Variants in SIPA1L2 observed in about 807,000 individuals in gnomAD.
SIPA1L2 encodes signal-induced proliferation-associated 1-like protein 2.
A neutral mutation model predicts 163.9 loss-of-function variants in SIPA1L2; 56 were observed. The ratio of observed to expected loss-of-function variants is 0.34; its 90% confidence interval spans 0.28 to 0.43. SIPA1L2 has a LOEUF of 0.43. Ranked by LOEUF, SIPA1L2 falls within the 20% of genes least tolerant of loss-of-function variation. The pLI is 1.00. For missense variants in SIPA1L2, 1,974 were observed against 2,193.5 expected, an observed-to-expected ratio of 0.90 and a Z score of 2.00; for synonymous variants, 877 against 865.7, an observed-to-expected ratio of 1.01 and a Z score of -0.23.
rs373558870 is a variant in SIPA1L2 at position 232,502,228 on chromosome 1, G to C, written c.1484-8568C>G. On this transcript the variant is annotated intron_variant, in intron 3 of 22. Transcript: ENST00000674635. ...ATCTAATCCATATAACACCATCATTGACCTGGGAGGGGTATTATAGTTGAC... is the reference window on the plus strand; with the variant it reads ...ATCTAATCCATATAACACCATCATTCACCTGGGAGGGGTATTATAGTTGAC... 1.1e-4 allele frequency among the ~76,000 whole-genome samples: 16 copies of C among 152,204 alleles called. No homozygotes were observed. The East Asian group carries it at 3.1e-3, about 29-fold the overall frequency.
chr1:232,415,571 G>A lies in SIPA1L2; in HGVS notation c.4685C>T (p.Pro1562Leu). The change falls in exon 19 of 23, where the codon CCT becomes CTT. Residue 1562 changes from proline (P) to leucine (L), a missense_variant. Pro to Leu is a moderately conservative substitution (Grantham distance 98, BLOSUM62 -3). This residue lies in a region of SIPA1L2 where 1,079 missense variants were observed against 1,150.7 expected (regional missense o/e 0.94). Transcript: ENST00000674635. The part of the protein sequence containing the change: ...SLSDKSKCAD[P>L]GLMPLPDTAT... ...TGTGTCCGGGAGGGGCATCAGGCCA[G>A]GATCTGCGCACTTGGACTTATCTGA... 1 of 1,613,936 alleles carries A rather than the reference G, an allele frequency of 6.2e-7. No homozygotes were observed. The highest frequency in any genetic ancestry group is 8.5e-7 in the Non-Finnish European group (1 of 1,179,924).
chr1:232,537,252 A>G (rs941977124), intron 2 of SIPA1L2, among the ~76,000 whole-genome samples: 3 of 152,084 alleles, frequency 2.0e-5, no homozygotes, highest in African/African-American at 7.3e-5. Context: ...TAAATAAATA[A>G]TAATAATTAC....
intron 10 of SIPA1L2, among the ~76,000 whole-genome samples, 163 bp downstream of exon 10, chr1:232,460,724 G>A (rs551310474): frequency 6.6e-6 from 1 of 152,078 alleles, no homozygotes; most frequent in South Asian, 2.1e-4. Flanking sequence ...TTCCTCGAAC[G>A]AGTGACATCC....
chr1:232,411,669 C>G (rs1265104616), intron 19 of SIPA1L2, among the ~76,000 whole-genome samples: 1 of 151,074 alleles, frequency 6.6e-6, no homozygotes, highest in Non-Finnish European at 1.5e-5. Flanking sequence ...TTTTTAAGTA[C>G]AGTTAAGTTA....
At position 232,468,533 on chromosome 1, in the gene SIPA1L2, C is replaced by A. The variant is rs1664639341; in HGVS notation, c.2243+2838G>T. Among the ~76,000 whole-genome samples, 4 of 152,136 alleles carry A rather than the reference C, an allele frequency of 2.6e-5. No homozygotes were observed. The South Asian group carries it at 8.3e-4, about 31-fold the overall frequency. On this transcript the variant is annotated intron_variant, in intron 8 of 22. Transcript: ENST00000674635. ...ATGGACGGTAAAATAGTATCATACC[C>A]AAAAGCCCATTGTAAGGATGATAGA...
rs777130990 is a variant in SIPA1L2, at chr1:232,514,615, G to A, written c.725C>T (p.Pro242Leu). The A allele has an allele frequency of 1.5e-5, 25 of 1,614,050 alleles. No homozygotes were observed. Among genetic ancestry groups the A allele is most frequent in the African/African-American group, 6.7e-5 (5 of 74,912 alleles). Residue 242 changes from proline to leucine, a missense_variant, in exon 3 of 23, where the codon CCG becomes CTG. By Grantham distance (98) the Pro-to-Leu change is moderately conservative (BLOSUM62 -3). Coordinates refer to ENST00000674635, the MANE Select transcript of SIPA1L2 (RefSeq NM_020808.5). The stretch of plus-strand genomic sequence containing the variant: ...AATCTGTGCTGCTGCATGAAGGCTC[G>A]GAGAGATTGCAGGGTCACAGCGGAA... ...EFFRCDPAIS[P>L]SLHAAAQISR...
intron 3 of SIPA1L2, among the ~76,000 whole-genome samples, chr1:232,495,752 A>G (rs1400160698): frequency 2.0e-5 from 3 of 151,986 alleles, no homozygotes; most frequent in Non-Finnish European, 4.4e-5. Context: ...AGGCTGAAAA[A>G]CTACTATTGT....
intron 2 of SIPA1L2, among the ~76,000 whole-genome samples, chr1:232,563,956 CGTGTGTGTGTGTGTGT>C (rs34854572): frequency 5.7e-4 from 41 of 72,214 alleles, no homozygotes; most frequent in Non-Finnish European, 7.8e-4. Context: ...TTTTTTTTTT[CGTGTGTGTGTGTGTGT>C]GTGTGTGTGT....
At chr1:232,571,844 C>A (rs1659748297) in intron 2 of SIPA1L2, among the ~76,000 whole-genome samples, 1 of 152,200 alleles carries the variant, frequency 6.6e-6, no homozygotes. Context: ...TTTCTTAGGT[C>A]TCACCAGAAG....
intron 19 of SIPA1L2, among the ~76,000 whole-genome samples, chr1:232,407,775 T>C (rs1660726179): frequency 6.6e-6 from 1 of 152,184 alleles, no homozygotes; most frequent in African/African-American, 2.4e-5. Context: ...ATTTTACCTT[T>C]GAAGCCTATG....
At chr1:232,617,365 A>G (rs1662555916) in intron 1 of SIPA1L2, among the ~76,000 whole-genome samples, 2 of 152,248 alleles carry the variant, frequency 1.3e-5, no homozygotes, top group Non-Finnish European at 2.9e-5. Context: ...ACACCCCTGT[A>G]AGGAAAAGGG....
chr1:232,528,101 T>TAA (rs1553307360), intron 2 of SIPA1L2, among the ~76,000 whole-genome samples: 1 of 135,378 alleles, frequency 7.4e-6, no homozygotes, highest in Admixed American at 7.9e-5. Flanking sequence ...TATATATATA[T>TAA]AATCAACTTT....
intron 2 of SIPA1L2, among the ~76,000 whole-genome samples, chr1:232,554,739 T>C (rs1423176147): frequency 6.6e-6 from 1 of 152,236 alleles, no homozygotes; most frequent in East Asian, 1.9e-4. Flanking sequence ...GCAGCTGTTG[T>C]GCTGGCAAGT....
chr1:232,569,682 G>A (rs1415383460), intron 2 of SIPA1L2, among the ~76,000 whole-genome samples: 10 of 152,100 alleles, frequency 6.6e-5, no homozygotes, highest in African/African-American at 1.9e-4. Flanking sequence ...GCGTGGTGGC[G>A]CATGCCTGTA....
chr1:232,590,360 T>C (rs1413686666), intron 1 of SIPA1L2, among the ~76,000 whole-genome samples: 1 of 152,270 alleles, frequency 6.6e-6, no homozygotes, highest in African/African-American at 2.4e-5. Flanking sequence ...CATTTATTTT[T>C]GTATACAACT....
chr1:232,548,837 G>A (rs1213308174), intron 2 of SIPA1L2, among the ~76,000 whole-genome samples: 2 of 152,114 alleles, frequency 1.3e-5, no homozygotes, highest in Non-Finnish European at 2.9e-5. Flanking sequence ...CGCAGCCTAC[G>A]CAAAGACATG....
chr1:232,467,134 C>T (rs1664561767), intron 8 of SIPA1L2, among the ~76,000 whole-genome samples: 1 of 152,212 alleles, frequency 6.6e-6, no homozygotes, highest in African/African-American at 2.4e-5. Flanking sequence ...GTGCTTTAAT[C>T]TGCAACCTCT....
intron 15 of SIPA1L2, among the ~76,000 whole-genome samples, chr1:232,436,342 G>C (rs1355171188): frequency 1.2e-4 from 19 of 152,238 alleles, no homozygotes; most frequent in Admixed American, 1.2e-3. Flanking sequence ...TTGTGGGAAG[G>C]AATATGCAGT....
chr1:232,416,700 T>C (rs142885292), intron 18 of SIPA1L2, among the ~76,000 whole-genome samples: 5 of 152,308 alleles, frequency 3.3e-5, no homozygotes, highest in East Asian at 1.9e-4. Context: ...ATACATGAGA[T>C]TGAGGATGCT....
Sources: allele counts gnomAD v4.1 joint callset (sites outside exome capture counted in the v4.1 genomes callset), GRCh38; gene constraint gnomAD v4.1.1; regional missense constraint gnomAD v4.1.1; transcripts MANE v1.5; gene names NCBI Gene and HGNC (gene_info 2026-07-23, HGNC 2026-07-21).